Variants in FNIP2 observed in about 807,000 individuals in gnomAD.
FNIP2 encodes folliculin interacting protein 2, also known as folliculin-interacting protein 2.
A neutral mutation model predicts 108.7 loss-of-function variants in FNIP2; 32 were observed. The ratio of observed to expected loss-of-function variants is 0.29; its 90% CI spans 0.22 to 0.40. The LOEUF (loss-of-function observed/expected upper bound fraction) is 0.40, where lower values mean the gene tolerates loss of function less well. FNIP2 is among the 10% of genes least tolerant of loss of function. The pLI is 1.00. For missense variants in FNIP2, 1,202 were observed against 1,381.6 expected (o/e 0.87, Z 2.06); for synonymous variants, 480 against 496.7 (o/e 0.97, Z 0.45).
chr4:158,862,779 G>A (rs1194438740), intron 12 of FNIP2, among the ~76,000 whole-genome samples: 3 of 152,040 alleles, frequency 2.0e-5, no homozygotes, highest in Non-Finnish European at 2.9e-5. Flanking sequence ...GACAGAACAT[G>A]GTTGTTTTGT....
intron 14 of FNIP2, among the ~76,000 whole-genome samples, chr4:158,874,807 G>A (rs1040417976): frequency 6.6e-6 from 1 of 151,980 alleles, no homozygotes; most frequent in Non-Finnish European, 1.5e-5. Context: ...GGCCAGGCAC[G>A]GTGGCTCATG....
chr4:158,881,406 C>T (rs181904291), intron 14 of FNIP2, among the ~76,000 whole-genome samples: 11 of 23,574 alleles, frequency 4.7e-4, no homozygotes, highest in Middle Eastern at 0.016. Flanking sequence ...TCTCTTTCCA[C>T]GGTCTCCCTC....
intron 1 of FNIP2, among the ~76,000 whole-genome samples, chr4:158,825,639 T>G (rs1159744187): frequency 2.0e-5 from 3 of 152,264 alleles, no homozygotes; most frequent in African/African-American, 7.2e-5. Context: ...AAATTGGCTT[T>G]GGAAGGAGAA....
intron 16 of FNIP2, among the ~76,000 whole-genome samples, chr4:158,900,272 A>G (rs1383537259): frequency 1.3e-5 from 2 of 152,250 alleles, no homozygotes; most frequent in African/African-American, 4.8e-5. Context: ...TTTGTGGTCA[A>G]TTTTAGAATA....
intron 1 of FNIP2, among the ~76,000 whole-genome samples, chr4:158,782,485 C>T (rs956049109): frequency 6.6e-6 from 1 of 151,456 alleles, no homozygotes; most frequent in Admixed American, 6.6e-5. Flanking sequence ...ACATAACTAT[C>T]TCTTTTTGTA....
At chr4:158,894,775 T>C (rs965280348) in intron 15 of FNIP2, among the ~76,000 whole-genome samples, 3 of 152,210 alleles carry the variant, frequency 2.0e-5, no homozygotes, top group African/African-American at 7.2e-5. Flanking sequence ...TTACTCTTAG[T>C]CACTTAGCAG....
intron 15 of FNIP2, among the ~76,000 whole-genome samples, chr4:158,894,714 T>A (rs1214445384): frequency 1.6e-4 from 24 of 152,174 alleles, no homozygotes. Flanking sequence ...TACCACCTTG[T>A]TTACTTGGAG....
At chr4:158,883,393 C>T (rs890232953) in intron 14 of FNIP2, among the ~76,000 whole-genome samples, 5 of 152,170 alleles carry the variant, frequency 3.3e-5, no homozygotes, top group African/African-American at 4.8e-5. Context: ...AGGCGCCCGC[C>T]ACTATGCCCG....
chr4:158,863,982 A>G (rs1249463618), intron 12 of FNIP2, among the ~76,000 whole-genome samples: 1 of 152,170 alleles, frequency 6.6e-6, no homozygotes, highest in African/African-American at 2.4e-5. Context: ...TTAGACTACA[A>G]ATCAATTTTT....
At chr4:158,832,231 A>G in intron 5 of FNIP2, 93 bp downstream of exon 5, 1 of 1,004,468 alleles carries the variant, frequency 1.0e-6, no homozygotes, top group Non-Finnish European at 1.5e-6. Context: ...GCATTTTGAA[A>G]TGACAAGCAG....
At position 158,907,898 on chromosome 4, in the gene FNIP2, C is replaced by T. The variant is rs1278409326; in HGVS notation, c.*3354C>T. On this transcript the variant is annotated 3_prime_UTR_variant, in exon 17 of 17. Transcript: ENST00000264433. ...AAATTCTGGAATTTGTCATTTGAAG[C>T]TCCATAAGAGAAATTGATAGGACTT... The T allele has an allele frequency of 3.3e-5, 5 of 152,156 alleles. No individual in the cohort carries two copies. The highest frequency in any genetic ancestry group is 1.2e-4 in the African/African-American group (5 of 41,436). The allele number at this position is 152,156 out of a possible 1,614,324, so 9.4% of individuals were successfully genotyped here. A position where few individuals can be genotyped will look rare whatever the true frequency, so the allele number is the denominator to read the frequency against.
chr4:158,842,687 A>G (rs528851603), intron 7 of FNIP2, among the ~76,000 whole-genome samples: 90 of 152,270 alleles, frequency 5.9e-4, no homozygotes, highest in African/African-American at 2.1e-3. Context: ...ACCCCTTATA[A>G]ATTTTTAAAA....
chr4:158,869,246 C>G lies in FNIP2; in HGVS notation c.2610C>G (p.Ile870Met). The change falls in exon 13 of 17, where the codon ATC (isoleucine) becomes ATG (methionine). Residue 870 changes from isoleucine to methionine, a missense_variant. By Grantham distance (10) the Ile-to-Met change is conservative. This residue lies in a region of FNIP2 where 878 missense variants were observed against 990.3 expected (regional missense o/e 0.89). Transcript: ENST00000264433. Reference protein sequence around the residue: ...RGPGLVAGANIPCGDDNKKAN... With the variant: ...RGPGLVAGANMPCGDDNKKAN... ...CTGGCCTCGTGGCTGGTGCGAATAT[C>G]CCCTGTGGGGATGACAACAAGAAGG... The G allele has an allele frequency of 6.2e-7, 1 of 1,613,986 alleles. No individual in the cohort carries two copies. Among genetic ancestry groups the G allele is most frequent in the Non-Finnish European group, 8.5e-7 (1 of 1,179,876 alleles).
intron 10 of FNIP2, among the ~76,000 whole-genome samples, chr4:158,860,663 T>TC: frequency 6.7e-6 from 1 of 149,724 alleles, no homozygotes; most frequent in East Asian, 2.0e-4. Flanking sequence ...ACTTTTTTTT[T>TC]TTTTTTTTTT....
At chr4:158,806,488 A>C in intron 1 of FNIP2, 1 of 1,116,592 alleles carries the variant, frequency 9.0e-7, no homozygotes, top group Non-Finnish European at 1.2e-6. Context: ...TGTAGTAAGG[A>C]GATGGAATTG....
At chr4:158,837,441 A>G (rs73858590) in intron 7 of FNIP2, among the ~76,000 whole-genome samples, 3,999 of 152,288 alleles carry the variant, frequency 0.026, 158 homozygotes, top group African/African-American at 0.089. Flanking sequence ...TGAGGGACCT[A>G]ACAAAGAAAC....
chr4:158,796,645 G>T (rs2126465106), intron 1 of FNIP2, among the ~76,000 whole-genome samples: 1 of 152,308 alleles, frequency 6.6e-6, no homozygotes, highest in Admixed American at 6.5e-5. Context: ...AGGACAGTGA[G>T]TACTTTTGGG....
At chr4:158,889,560 A>G (rs1211568318) in intron 14 of FNIP2, among the ~76,000 whole-genome samples, 1 of 152,178 alleles carries the variant, frequency 6.6e-6, no homozygotes, top group African/African-American at 2.4e-5. Context: ...CTAGGGTCCA[A>G]ATTACCTATT....
chr4:158,890,478 G>C, intron 14 of FNIP2: 4 of 422,898 alleles, frequency 9.5e-6, no homozygotes, highest in Non-Finnish European at 1.3e-5. Flanking sequence ...TAGGGAGTCA[G>C]ATCACCTGTT....
Sources: gnomAD v4.1 joint callset for allele counts (sites outside exome capture counted in the v4.1 genomes callset) on GRCh38, gnomAD v4.1.1 for gene constraint, gnomAD v4.1.1 regional missense constraint, MANE v1.5 for transcripts, NCBI Gene and HGNC (gene_info 2026-07-23, HGNC 2026-07-21) for gene names.